Variants in LACTB2 observed in about 807,000 individuals in gnomAD.
LACTB2 encodes lactamase beta 2, also known as endoribonuclease LACTB2.
A neutral mutation model predicts 34.8 loss-of-function variants in LACTB2; 32 were observed. The observed-to-expected ratio is 0.92, with a 90% CI of 0.69 to 1.24. The LOEUF is 1.24. Ranked by LOEUF, LACTB2 falls within the 50% of genes most tolerant of loss-of-function variation. The pLI, the probability that LACTB2 is intolerant of heterozygous loss-of-function variation, is 0.00. For synonymous variants in LACTB2, 120 were observed against 117.5 expected, an observed-to-expected ratio of 1.02 and a Z score of -0.14; for missense variants, 320 against 345.0, an observed-to-expected ratio of 0.93 and a Z score of 0.57.
chr8:70,654,925 G>A (rs1818390981), intron 3 of LACTB2: 1 of 152,164 alleles, frequency 6.6e-6, no homozygotes, highest in Non-Finnish European at 1.5e-5. Flanking sequence ...GGTACAGGTG[G>A]TATCTGGTTA....
intron 5 of LACTB2, among the ~76,000 whole-genome samples, chr8:70,639,007 G>C (rs1013569206): frequency 1.3e-5 from 2 of 151,814 alleles, no homozygotes; most frequent in African/African-American, 4.8e-5. Context: ...CAAAGTGCTG[G>C]GATTACAGAC....
chr8:70,644,162 G>T lies in LACTB2; in HGVS notation c.495C>A (p.Cys165Ter). The change falls in exon 4 of 7, where the codon TGC becomes TGA. Residue 165 changes from cysteine (C) to a stop codon, truncating the protein, a stop_gained. Transcript: ENST00000276590. LOFTEE classifies it high-confidence loss of function. ...ATACCGTTGTTCCTTCCCCTAGGAT[G>T]CAATCTCCAGAAAAGATAGCATTTT... ...EEENAIFSGD[C>*]ILGEGTTVFE... 1 of 1,612,802 alleles carries T rather than the reference G, an allele frequency of 6.2e-7. No individual in the cohort carries two copies. The highest frequency in any genetic ancestry group is 8.5e-7 in the Non-Finnish European group (1 of 1,179,228).
chr8:70,650,144 A>C (rs1818320433), intron 3 of LACTB2, among the ~76,000 whole-genome samples: 1 of 152,164 alleles, frequency 6.6e-6, no homozygotes, highest in Non-Finnish European at 1.5e-5. Flanking sequence ...CACCATGCCC[A>C]GCCTAAGTAA....
chr8:70,646,285 A>T (rs952835782), intron 3 of LACTB2: 3 of 152,202 alleles, frequency 2.0e-5, no homozygotes, highest in Admixed American at 6.5e-5. Context: ...AATGGGAGAA[A>T]ATTTTTGCAA....
chr8:70,638,831 C>T (rs1269244434), intron 5 of LACTB2, among the ~76,000 whole-genome samples: 2 of 151,656 alleles, frequency 1.3e-5, no homozygotes, highest in Non-Finnish European at 2.9e-5. Context: ...CCTCCGCCTC[C>T]CAGGTTCAAG....
At chr8:70,645,493 CTTTT>C (rs949433328) in intron 3 of LACTB2, among the ~76,000 whole-genome samples, 1 of 144,994 alleles carries the variant, frequency 6.9e-6, no homozygotes, top group African/African-American at 2.5e-5. Context: ...GAAAAAGACT[CTTTT>C]TTTTTTTTAA....
At position 70,661,882 on chromosome 8, in the gene LACTB2, G is replaced by A; in HGVS notation, c.138C>T (p.Asp46=). Residue 46 remains aspartate (D), a synonymous_variant, in exon 2 of 7, where the codon GAC becomes GAT. Transcript: ENST00000276590. ...VGTGPRRILI[D]TGEPAIPEYI... ...ATTCTGGAATTGCTGGTTCTCCAGT[G>A]TCAATGAGGATTCTCCTGAAAATTA... The A allele has an allele frequency of 6.2e-7, 1 of 1,605,740 alleles. No individual in the cohort carries two copies. The highest frequency in any genetic ancestry group is 8.5e-7 in the Non-Finnish European group (1 of 1,177,162).
chr8:70,648,147 A>C (rs1257667231), intron 3 of LACTB2, among the ~76,000 whole-genome samples: 2 of 152,184 alleles, frequency 1.3e-5, no homozygotes, highest in Admixed American at 6.5e-5. Context: ...GCTCATCCAG[A>C]TTATCCTACA....
At chr8:70,642,376 T>C (rs955025264) in intron 4 of LACTB2, among the ~76,000 whole-genome samples, 3 of 152,196 alleles carry the variant, frequency 2.0e-5, no homozygotes, top group African/African-American at 7.2e-5. Context: ...TGTAAATGTG[T>C]TGAAGATACT....
chr8:70,668,481 G>A (rs1586792856), intron 1 of LACTB2, among the ~76,000 whole-genome samples: 1 of 152,210 alleles, frequency 6.6e-6, no homozygotes, highest in Admixed American at 6.5e-5. Flanking sequence ...ACTTATGTCA[G>A]CTCCTCTTAT....
intron 3 of LACTB2, chr8:70,646,432 A>C (rs998317102): frequency 1.3e-5 from 2 of 152,204 alleles, no homozygotes; most frequent in Admixed American, 6.5e-5. Context: ...ATGCAGCCAA[A>C]AGACACAAGA....
chr8:70,655,192 T>A (rs1187931663), intron 3 of LACTB2, among the ~76,000 whole-genome samples: 2 of 151,342 alleles, frequency 1.3e-5, no homozygotes, highest in Non-Finnish European at 2.9e-5. Context: ...CTCAACCAGG[T>A]CACTACAAAT....
At chr8:70,661,282 C>G in intron 2 of LACTB2, 1 of 324,646 alleles carries the variant, frequency 3.1e-6, no homozygotes, top group Non-Finnish European at 6.1e-6. Flanking sequence ...AATGTCAGTA[C>G]TGTATAGGTT....
At chr8:70,637,979 C>T (rs1235935552) in intron 6 of LACTB2, 76 bp from the exon 7 acceptor site, 4 of 767,752 alleles carry the variant, frequency 5.2e-6, no homozygotes, top group Non-Finnish European at 8.0e-6. Flanking sequence ...TACCTTGTGG[C>T]TAGAAAAAGC....
chr8:70,660,923 G>C, intron 2 of LACTB2: 1 of 455,366 alleles, frequency 2.2e-6, no homozygotes, highest in Non-Finnish European at 4.4e-6. Flanking sequence ...GACTGCAGGT[G>C]CACGCCACCA....
chr8:70,662,952 G>A (rs940556357), intron 1 of LACTB2: 3 of 152,202 alleles, frequency 2.0e-5, no homozygotes, highest in Non-Finnish European at 4.4e-5. Context: ...GCCTCCCAAA[G>A]TGCTGGGATT....
intron 5 of LACTB2, among the ~76,000 whole-genome samples, chr8:70,639,943 CAA>C: frequency 6.6e-6 from 1 of 151,122 alleles, no homozygotes; most frequent in Non-Finnish European, 1.5e-5. Flanking sequence ...GCCTGGGCAA[CAA>C]GAGCAAAACT....
chr8:70,667,424 T>A (rs1226395266), intron 1 of LACTB2, among the ~76,000 whole-genome samples: 1 of 152,188 alleles, frequency 6.6e-6, no homozygotes, highest in Non-Finnish European at 1.5e-5. Flanking sequence ...ACAGTAGCAT[T>A]ATCTACACTT....
At chr8:70,645,985 T>C (rs1818259541) in intron 3 of LACTB2, 1 of 152,304 alleles carries the variant, frequency 6.6e-6, no homozygotes, top group Non-Finnish European at 1.5e-5. Context: ...AGCAGCATGA[T>C]TTATAATCCT....
Sources: gnomAD v4.1 joint callset for allele counts (sites outside exome capture counted in the v4.1 genomes callset) on GRCh38, gnomAD v4.1.1 for gene constraint, MANE v1.5 for transcripts, NCBI Gene and HGNC (gene_info 2026-07-23, HGNC 2026-07-21) for gene names.